COL4A4: variants seen among roughly 807,000 people sequenced by gnomAD.
COL4A4 encodes the protein collagen type IV alpha 4 chain, also known as collagen alpha-4(IV) chain.
COL4A4 carries 105 observed loss-of-function variants against 192.9 expected under a neutral mutation model. The ratio of observed to expected loss-of-function variants is 0.54; its 90% CI spans 0.46 to 0.64. The LOEUF is 0.64. COL4A4 is among the 30% of genes least tolerant of loss of function. The pLI is 0.00. For synonymous variants in COL4A4, 762 were observed against 769.9 expected (o/e 0.99, Z 0.17); for missense variants, 1,967 against 2,169.3 (o/e 0.91, Z 1.85).
At chr2:227,058,808 T>C (rs1976156714) in intron 28 of COL4A4, among the ~76,000 whole-genome samples, 2 of 152,116 alleles carry the variant, frequency 1.3e-5, no homozygotes, top group Admixed American at 1.3e-4. Flanking sequence ...TTTAAGTACA[T>C]TAAAACCTGA....
chr2:227,136,707 T>C (rs1302733973), intron 4 of COL4A4, among the ~76,000 whole-genome samples: 2 of 152,218 alleles, frequency 1.3e-5, no homozygotes, highest in African/African-American at 2.4e-5. Flanking sequence ...ACGATTGCTT[T>C]AGACATAGCA....
chr2:227,114,275 T>A (rs1038592508), intron 8 of COL4A4, among the ~76,000 whole-genome samples: 3 of 152,156 alleles, frequency 2.0e-5, no homozygotes, highest in African/African-American at 7.2e-5. Flanking sequence ...GTCTAATGAG[T>A]AGAGGCCAGA....
the COL4A4 span, chr2:226,996,632 A>T: frequency 1.3e-5 from 2 of 152,252 alleles, no homozygotes; most frequent in African/African-American, 4.8e-5. Flanking sequence ...CTGATTATGC[A>T]CATAATAGAT....
chr2:227,040,833 G>C (rs1222477824), intron 37 of COL4A4, among the ~76,000 whole-genome samples: 2 of 151,966 alleles, frequency 1.3e-5, no homozygotes, highest in African/African-American at 2.4e-5. Context: ...CAAAACTCTG[G>C]GATTACAGGT....
intron 44 of COL4A4, among the ~76,000 whole-genome samples, chr2:227,021,611 G>A (rs1966020298): frequency 6.6e-6 from 1 of 152,052 alleles, no homozygotes; most frequent in Non-Finnish European, 1.5e-5. Context: ...GGATCACGAG[G>A]TCAGGAGATG....
intron 41 of COL4A4, among the ~76,000 whole-genome samples, chr2:227,030,046 CATT>C (rs1240871502): frequency 2.6e-5 from 4 of 151,898 alleles, no homozygotes; most frequent in Non-Finnish European, 5.9e-5. Flanking sequence ...TCAATTATCT[CATT>C]GATAAATGTA....
chr2:227,102,706 G>T, intron 15 of COL4A4, 83 bp downstream of exon 15: 1 of 1,162,584 alleles, frequency 8.6e-7, no homozygotes, highest in East Asian at 2.3e-5. Flanking sequence ...TTTTGAGCTT[G>T]TGGGACTACT....
chr2:227,088,734 C>T lies in COL4A4; in HGVS notation c.1542G>A (p.Lys514=). ...PPGLPGRQGS[K]GDLGLPGWLG... is the part of the protein sequence containing the mutation. ...GCCAGCCAGGGAGCCCCAAGTCTCC[C>T]TTACTCCCCTGCCTCCCAGGAAGTC... The change falls in exon 22 of 48, where the codon AAG becomes AAA. Residue 514 remains lysine (K), a synonymous_variant. Coordinates refer to ENST00000396625, the MANE Select transcript of COL4A4 (RefSeq NM_000092.5). The T allele has an allele frequency of 6.2e-7, 1 of 1,614,084 alleles. No homozygotes were observed. The highest frequency in any genetic ancestry group is 1.1e-5 in the South Asian group (1 of 91,076).
intron 41 of COL4A4, among the ~76,000 whole-genome samples, chr2:227,028,929 G>A (rs1332340768): frequency 6.6e-6 from 1 of 152,024 alleles, no homozygotes; most frequent in Non-Finnish European, 1.5e-5. Context: ...CAAAGTGTTG[G>A]GATTATAGGC....
chr2:227,052,941 G>C (rs138072106), intron 31 of COL4A4, among the ~76,000 whole-genome samples: 23 of 152,188 alleles, frequency 1.5e-4, no homozygotes, highest in African/African-American at 5.5e-4. Flanking sequence ...ATGTGCAGGC[G>C]TGGGCTCCTA....
At chr2:227,147,333 TC>T (rs1223212158) in intron 2 of COL4A4, 79 bp downstream of exon 2, 1 of 1,357,136 alleles carries the variant, frequency 7.4e-7, no homozygotes, top group Non-Finnish European at 1.1e-6. Flanking sequence ...TATTAAGCAT[TC>T]AGACGGTTTA....
In COL4A4 at chr2:227,162,001, T is replaced by C. The variant is rs112948547; in HGVS notation, c.-102+2006A>G. The stretch of plus-strand genomic sequence containing the variant: ...TGTGAAGATTCTGCACAAAGGGTTT[T>C]TGCTATCTCATTAGATTCCAACAAC... On this transcript the variant is annotated intron_variant, in intron 1 of 47. Coordinates refer to ENST00000396625, the MANE Select transcript of COL4A4 (RefSeq NM_000092.5). 8.9e-3 allele frequency among the ~76,000 whole-genome samples: 1,351 copies of C among 152,304 alleles called. 14 individuals carry two copies. Among genetic ancestry groups the C allele is most frequent in the African/African-American group, 0.03 (1,264 of 41,554 alleles).
intron 7 of COL4A4, among the ~76,000 whole-genome samples, chr2:227,115,231 G>T (rs1190203343): frequency 6.6e-6 from 1 of 150,600 alleles, no homozygotes; most frequent in Non-Finnish European, 1.5e-5. Context: ...CCCTCCCCAA[G>T]GTTTTCCTAC....
At position 227,102,269 on chromosome 2, in the gene COL4A4, C is replaced by G. The variant is rs144748474; in HGVS notation, c.931-360G>C. On this transcript the variant is annotated intron_variant, in intron 15 of 47. Transcript: ENST00000396625. ...CCTGGAAATTAATAGTTGCTCTGTG[C>G]ATCATTAGCAATAAAAATGACCATG... 3.1e-3 allele frequency among the ~76,000 whole-genome samples: 479 copies of G among 152,292 alleles called. 1 individual carries two copies. The highest frequency in any genetic ancestry group is 0.011 in the African/African-American group (458 of 41,560).
chr2:226,995,368 C>T, the COL4A4 span: 3 of 1,006,718 alleles, frequency 3.0e-6, no homozygotes, highest in East Asian at 2.4e-5. Flanking sequence ...CCTTGGAATC[C>T]TAGGGTACAC....
chr2:227,000,748 C>A (rs2149670836), downstream of COL4A4, among the ~76,000 whole-genome samples: 1 of 151,974 alleles, frequency 6.6e-6, no homozygotes, highest in African/African-American at 2.4e-5. Flanking sequence ...CCACCCAAAT[C>A]TCATCTTGAA....
intron 1 of COL4A4, among the ~76,000 whole-genome samples, chr2:227,162,895 T>C (rs1228497172): frequency 1.3e-5 from 2 of 152,258 alleles, no homozygotes; most frequent in Non-Finnish European, 2.9e-5. Flanking sequence ...ATTCATGCTA[T>C]AGTCAAAATA....
At chr2:226,972,691 T>C in the COL4A4 span, among the ~76,000 whole-genome samples, 1 of 152,210 alleles carries the variant, frequency 6.6e-6, no homozygotes, top group African/African-American at 2.4e-5. Context: ...TAGACACCTA[T>C]GATAGTGACA....
rs570182748 is a variant in COL4A4 at position 227,108,505 on chromosome 2, T to C, written c.735+76A>G. 79 of 1,428,306 alleles carry C rather than the reference T, an allele frequency of 5.5e-5. 2 individuals are homozygous for C. In the South Asian group the frequency reaches 8.0e-4, roughly 14 times the overall value. The allele number at this position is 1,428,306 out of a possible 1,614,324, so 88.5% of individuals were successfully genotyped here. On this transcript the variant is annotated intron_variant, in intron 12 of 47. Transcript: ENST00000396625. Reference sequence around the variant, plus strand: ...ACTAGATAATGAGTACAAGTTCAAATAATCAGAACAGCCTCCACCCCTGAG... The same window carrying C: ...ACTAGATAATGAGTACAAGTTCAAACAATCAGAACAGCCTCCACCCCTGAG...
Sources: allele counts gnomAD v4.1 joint callset (sites outside exome capture counted in the v4.1 genomes callset), GRCh38; gene constraint gnomAD v4.1.1; transcripts MANE v1.5; gene names NCBI Gene and HGNC (gene_info 2026-07-23, HGNC 2026-07-21).